DST: variants seen among roughly 807,000 people sequenced by gnomAD.
DST encodes the protein bullous pemphigoid antigen.
Under a neutral mutation model 875.2 loss-of-function variants are expected in DST, and 253 were observed. That is an observed-to-expected ratio of 0.29 (90% CI 0.26 to 0.32). The LOEUF is 0.32. Ranked by LOEUF, DST falls within the 10% of genes least tolerant of loss-of-function variation. The pLI is 1.00. For synonymous variants in DST, 3,124 were observed against 3,197.1 expected (o/e 0.98, Z 0.77); for missense variants, 8,287 against 9,111.6 (o/e 0.91, Z 3.68).
At chr6:56,939,370 A>G (rs1815076735) in intron 2 of DST, among the ~76,000 whole-genome samples, 1 of 152,218 alleles carries the variant, frequency 6.6e-6, no homozygotes. Context: ...TAAGGTCCAG[A>G]GACAGAAGCA....
Position 56,535,204 on chromosome 6 carries a change from A to G in DST, c.16859T>C (p.Val5620Ala), listed in dbSNP as rs200036988. Residue 5620 changes from valine (V) to alanine (A), a missense_variant, in exon 63 of 104, where the codon GTG becomes GCG. Around this residue, in one of 10 missense-constraint regions of DST, gnomAD observed 777 missense variants for 764.8 expected, o/e 1.02. Coordinates refer to ENST00000680361, the MANE Select transcript of DST (RefSeq NM_001374736.1). ...DALESLLSWM[V>A]DTEELVANQK... ...ATTGGCCACAAGCTCCTCAGTGTCC[A>G]CCATCCAGCTGAGCAGGGACTCCAG... 28 of 1,613,792 alleles carry G rather than the reference A, an allele frequency of 1.7e-5. No homozygotes were observed. In the East Asian group the frequency reaches 6.0e-4, roughly 35 times the overall value.
intron 10 of DST, among the ~76,000 whole-genome samples, chr6:56,659,707 G>A (rs540306867): frequency 6.6e-6 from 1 of 152,258 alleles, no homozygotes; most frequent in Admixed American, 6.5e-5. Context: ...AATGATATAA[G>A]GTAGTAGCTG....
chr6:56,926,952 C>A (rs1807510077), intron 2 of DST, among the ~76,000 whole-genome samples: 1 of 152,160 alleles, frequency 6.6e-6, no homozygotes, highest in Non-Finnish European at 1.5e-5. Flanking sequence ...TATGCAGAGT[C>A]ATACCTCCAA....
chr6:56,785,593 G>A (rs992508735), intron 4 of DST, among the ~76,000 whole-genome samples: 1 of 152,242 alleles, frequency 6.6e-6, no homozygotes, highest in East Asian at 1.9e-4. Flanking sequence ...GGAGTGGCCC[G>A]ATTTTCCAGG....
In DST at chr6:56,609,056, C is replaced by A. The variant is rs1242312747; in HGVS notation, c.5572G>T (p.Ala1858Ser). 1 of 1,613,882 alleles carries A rather than the reference C, an allele frequency of 6.2e-7. No individual in the cohort carries two copies. The highest frequency in any genetic ancestry group is 8.5e-7 in the Non-Finnish European group (1 of 1,179,820). ...TCTGTTATCATGCTTTGAGCTAGAG[C>A]ATCCAGTACTGGAATTGTGGTAGGT... The part of the protein sequence containing the change: ...ASPTTIPVLD[A>S]LAQSMITESM... Residue 1858 changes from alanine to serine, a missense_variant, in exon 40 of 104, where the codon GCT becomes TCT. Transcript: ENST00000680361.
chr6:56,882,702 G>C (rs1296603619), intron 3 of DST, among the ~76,000 whole-genome samples: 1 of 152,166 alleles, frequency 6.6e-6, no homozygotes. Flanking sequence ...TTGCATTTTA[G>C]CCATCATCAA....
intron 9 of DST, among the ~76,000 whole-genome samples, chr6:56,689,626 T>C (rs1412442413): frequency 6.6e-6 from 1 of 152,146 alleles, no homozygotes; most frequent in Non-Finnish European, 1.5e-5. Flanking sequence ...TGCTGCAGAA[T>C]AAGAATAGTA....
intron 4 of DST, among the ~76,000 whole-genome samples, chr6:56,795,540 G>T (rs2099738313): frequency 6.6e-6 from 1 of 152,086 alleles, no homozygotes; most frequent in Non-Finnish European, 1.5e-5. Context: ...GAGAGACAAA[G>T]AAAAGACACT....
chr6:56,670,612 T>C (rs755063286), intron 10 of DST, 29 bp downstream of exon 10: 75 of 1,421,612 alleles, frequency 5.3e-5, no homozygotes, highest in Non-Finnish European at 6.5e-5. Context: ...CTTACAGTTG[T>C]ATAAGGAAAA....
At position 56,609,181 on chromosome 6, in the gene DST, A is replaced by G; in HGVS notation, c.5447T>C (p.Phe1816Ser). 1 of 1,613,844 alleles carries G rather than the reference A, an allele frequency of 6.2e-7. No individual in the cohort carries two copies. Among genetic ancestry groups the G allele is most frequent in the Non-Finnish European group, 8.5e-7 (1 of 1,179,768 alleles). ...GLISPELRKCFDLKDAKSHGL... is the reference protein window; with the variant it reads ...GLISPELRKCSDLKDAKSHGL... The stretch of plus-strand genomic sequence containing the variant: ...ATGACTTTTGGCATCTTTAAGGTCA[A>G]AGCACTTTCTTAATTCTGGTGAAAT... Residue 1816 changes from phenylalanine (F) to serine (S), a missense_variant, in exon 40 of 104, where the codon TTT becomes TCT. By Grantham distance (155) the Phe-to-Ser change is radical. Coordinates refer to ENST00000680361, the MANE Select transcript of DST (RefSeq NM_001374736.1).
At chr6:56,600,959 T>C (rs1324622552) in intron 44 of DST, among the ~76,000 whole-genome samples, 2 of 152,042 alleles carry the variant, frequency 1.3e-5, no homozygotes, top group East Asian at 1.9e-4. Flanking sequence ...GTAAGCGCTA[T>C]TGTTATTTCC....
At chr6:56,623,293 T>G (rs1471371242) in intron 36 of DST, among the ~76,000 whole-genome samples, 3 of 152,226 alleles carry the variant, frequency 2.0e-5, no homozygotes, top group Non-Finnish European at 4.4e-5. Context: ...ACTTAAGTTA[T>G]TTTATTTTAT....
At chr6:56,670,562 TA>T in intron 10 of DST, 78 bp downstream of exon 10, 1 of 1,049,882 alleles carries the variant, frequency 9.5e-7, no homozygotes, top group Non-Finnish European at 1.3e-6. Flanking sequence ...TCTATAATAA[TA>T]AAAGATAATT....
chr6:56,906,302 T>A (rs902162340), intron 2 of DST, among the ~76,000 whole-genome samples: 5 of 152,182 alleles, frequency 3.3e-5, no homozygotes, highest in African/African-American at 9.7e-5. Context: ...AGATTTTCCC[T>A]TTAACGAAAA....
At chr6:56,723,290 C>A (rs577529141) in intron 5 of DST, among the ~76,000 whole-genome samples, 61 of 151,958 alleles carry the variant, frequency 4.0e-4, no homozygotes, top group African/African-American at 1.4e-3. Flanking sequence ...GAGGGCTGGG[C>A]GTGGTGGCTT....
chr6:56,511,781 G>A (rs1381420642), intron 72 of DST, among the ~76,000 whole-genome samples: 1 of 151,808 alleles, frequency 6.6e-6, no homozygotes, highest in Non-Finnish European at 1.5e-5. Context: ...CATATCTGAT[G>A]GTGTTCCTTT....
chr6:56,668,921 A>C (rs1181723266), intron 10 of DST, among the ~76,000 whole-genome samples: 9 of 151,960 alleles, frequency 5.9e-5, no homozygotes, highest in Admixed American at 2.0e-4. Flanking sequence ...GGAAGGAAGA[A>C]AGAGGAAAGA....
chr6:56,635,127 G>A (rs909349806), intron 24 of DST, among the ~76,000 whole-genome samples, 174 bp from the exon 25 acceptor site: 1 of 151,954 alleles, frequency 6.6e-6, no homozygotes, highest in African/African-American at 2.4e-5. Context: ...TCTTTGGTTT[G>A]TTTGGTTTTC....
At chr6:56,782,292 G>A (rs898411862) in intron 4 of DST, among the ~76,000 whole-genome samples, 5 of 152,220 alleles carry the variant, frequency 3.3e-5, no homozygotes, top group Non-Finnish European at 7.3e-5. Context: ...AGTTTCAGAA[G>A]GAATGGTACC....
Sources: allele counts gnomAD v4.1 joint callset (sites outside exome capture counted in the v4.1 genomes callset), GRCh38; gene constraint gnomAD v4.1.1; regional missense constraint gnomAD v4.1.1; transcripts MANE v1.5; gene names NCBI Gene and HGNC (gene_info 2026-07-23, HGNC 2026-07-21).